The following CPLANE1 variants were observed in gnomAD, a reference collection of about 807,000 sequenced individuals.
CPLANE1 encodes ciliogenesis and planar polarity effector 1.
A neutral mutation model predicts 362.5 loss-of-function variants in CPLANE1; 263 were observed. The ratio of observed to expected loss-of-function variants is 0.73; its 90% CI spans 0.66 to 0.80. The LOEUF is 0.80. Ranked by LOEUF, CPLANE1 falls within the 30% of genes least tolerant of loss-of-function variation. The pLI, the probability that CPLANE1 is intolerant of heterozygous loss-of-function variation, is 0.00. For synonymous variants in CPLANE1, 1,212 were observed against 1,302.6 expected, an observed-to-expected ratio of 0.93 and a Z score of 1.50; for missense variants, 3,461 against 3,793.4, an observed-to-expected ratio of 0.91 and a Z score of 2.30.
rs774883520 is a variant in CPLANE1, at chr5:37,142,306, A to T, written c.8632+4T>A. 16 of 1,555,142 alleles carry T rather than the reference A, an allele frequency of 1.0e-5. No individual in the cohort carries two copies. Among genetic ancestry groups the T allele is most frequent in the Middle Eastern group, 1.7e-4 (1 of 5,818 alleles). ...TGTGTAAATGAAAAAGTAAAGAACA[A>T]TACCAGGAGAAGTAGTATTCTGATC... On this transcript the variant is annotated splice_donor_region_variant and intron_variant, in intron 44 of 52. Transcript: ENST00000651892.
In CPLANE1 at chr5:37,110,205, C is replaced by G. The variant is rs151037737; in HGVS notation, c.9401-1734G>C. On this transcript the variant is annotated intron_variant, in intron 51 of 52. Coordinates refer to ENST00000651892, the MANE Select transcript of CPLANE1 (RefSeq NM_001384732.1). ...CTGGATCTCAAGTAAAATCCAAACT[C>G]CTTGCCTTAGCCTACAGTATCTAGC... Among the ~76,000 whole-genome samples, 8 of 152,262 alleles carry G rather than the reference C, an allele frequency of 5.3e-5. No individual in the cohort carries two copies. In the East Asian group the frequency reaches 1.4e-3, roughly 26 times the overall value.
intron 50 of CPLANE1, among the ~76,000 whole-genome samples, chr5:37,117,084 C>A (rs1245237516): frequency 6.6e-6 from 1 of 152,156 alleles, no homozygotes; most frequent in African/African-American, 2.4e-5. Flanking sequence ...GGACAATAGC[C>A]AGGCATATGG....
chr5:37,157,404 A>G lies in CPLANE1; in HGVS notation c.8028T>C (p.Cys2676=). ...NFKSQEVTPA[C]LDGKSLRAGI... Reference sequence around the variant, plus strand: ...CTGCTCTCAAGCTTTTTCCATCCAGACAAGCTGGAGTTACTTCTGCAGGTT... The same window carrying G: ...CTGCTCTCAAGCTTTTTCCATCCAGGCAAGCTGGAGTTACTTCTGCAGGTT... The change falls in exon 41 of 53, where the codon TGT becomes TGC. Residue 2676 remains cysteine (C), a synonymous_variant. Coordinates refer to ENST00000651892, the MANE Select transcript of CPLANE1 (RefSeq NM_001384732.1). 2.8e-6 allele frequency: 4 copies of G among 1,450,796 alleles called. No individual in the cohort carries two copies. The highest frequency in any genetic ancestry group is 3.7e-6 in the Non-Finnish European group (4 of 1,086,410). 89.9% of individuals were successfully genotyped at this position (1,450,796 alleles called of 1,614,324 possible). A position where few individuals can be genotyped will look rare whatever the true frequency, so the allele number is the denominator to read the frequency against.
At chr5:37,184,012 G>C (rs1419250475) in intron 25 of CPLANE1, among the ~76,000 whole-genome samples, 1 of 152,154 alleles carries the variant, frequency 6.6e-6, no homozygotes, top group Non-Finnish European at 1.5e-5. Flanking sequence ...AAAAGAAATA[G>C]TCCTCTAATG....
rs139350365 is a variant in CPLANE1 at position 37,175,051 on chromosome 5, C to T, written c.5978+858G>A. On this transcript the variant is annotated intron_variant, in intron 31 of 52. Transcript: ENST00000651892. Reference sequence around the variant, plus strand: ...AGGTTTAGGAGGCACCCTCTGGCGACTGGGTTCCTGAAGTGTGATGGAAGG... The same window carrying T: ...AGGTTTAGGAGGCACCCTCTGGCGATTGGGTTCCTGAAGTGTGATGGAAGG... Among the ~76,000 whole-genome samples the T allele has an allele frequency of 2.2e-3, 338 of 152,286 alleles. 2 individuals carry two copies. The highest frequency in any genetic ancestry group is 3.8e-3 in the Non-Finnish European group (259 of 68,022).
chr5:37,168,178 T>A (rs1308068063), intron 34 of CPLANE1, among the ~76,000 whole-genome samples: 1 of 152,090 alleles, frequency 6.6e-6, no homozygotes, highest in African/African-American at 2.4e-5. Context: ...GAGGACTTGG[T>A]GGGTTTATAA....
downstream of CPLANE1, among the ~76,000 whole-genome samples, chr5:37,103,408 ATGATG>A (rs1175718703): frequency 6.6e-6 from 1 of 152,196 alleles, no homozygotes; most frequent in Non-Finnish European, 1.5e-5. Flanking sequence ...TCCTGTCATC[ATGATG>A]CTAACTGGTT....
intron 33 of CPLANE1, 74 bp from the exon 34 acceptor site, chr5:37,169,635 A>G (rs1264923301): frequency 7.5e-7 from 1 of 1,334,160 alleles, no homozygotes; most frequent in Non-Finnish European, 1.0e-6. Context: ...GGCATTCAGT[A>G]TGTTTTGCAG....
intron 50 of CPLANE1, among the ~76,000 whole-genome samples, chr5:37,116,485 C>CAAA (rs70976277): frequency 1.2e-4 from 3 of 25,946 alleles, no homozygotes; most frequent in Non-Finnish European, 2.1e-4. Flanking sequence ...GACTCTGCCT[C>CAAA]AAAAAAAAAA....
chr5:37,122,212 TAA>T (rs1004545394), intron 48 of CPLANE1, among the ~76,000 whole-genome samples: 14 of 152,092 alleles, frequency 9.2e-5, no homozygotes, highest in African/African-American at 2.7e-4. Flanking sequence ...ACAGCAGAAA[TAA>T]AAGTCATAAA....
At chr5:37,122,328 C>CA (rs1295007793) in intron 48 of CPLANE1, 102 bp downstream of exon 48, 4 of 894,574 alleles carry the variant, frequency 4.5e-6, no homozygotes, top group East Asian at 5.1e-5. Flanking sequence ...TGTTTATTGA[C>CA]AAAAAAGAGA....
intron 1 of CPLANE1, among the ~76,000 whole-genome samples, 163 bp downstream of exon 1, chr5:37,249,082 G>T (rs1245019822): frequency 6.6e-6 from 1 of 152,222 alleles, no homozygotes; most frequent in African/African-American, 2.4e-5. Context: ...GGACTGGGTA[G>T]TGGGGATGTA....
chr5:37,107,220 T>C lies in CPLANE1; in HGVS notation c.*382A>G, dbSNP rs1013522551. 7.1e-6 allele frequency: 7 copies of C among 992,328 alleles called. No homozygotes were observed. Among genetic ancestry groups the C allele is most frequent in the Middle Eastern group, 5.0e-4 (1 of 2,002 alleles). 61.5% of individuals were successfully genotyped at this position (992,328 alleles called of 1,614,324 possible). ...TTCTCAATGAAAAGATTTTTTTTTT[T>C]CCTATTAGATTCATCTGTATATGGT... On this transcript the variant is annotated 3_prime_UTR_variant, in exon 53 of 53. Transcript: ENST00000651892.
In CPLANE1 at chr5:37,138,700, A is replaced by T; in HGVS notation, c.8792+20T>A. ...GAGAAGCATTTTAAACAGGTTAAAA[A>T]TGAATTATTCAATGATTACCTGGAG... On this transcript the variant is annotated intron_variant, in intron 46 of 52. Coordinates refer to ENST00000651892, the MANE Select transcript of CPLANE1 (RefSeq NM_001384732.1). The T allele has an allele frequency of 1.3e-6, 2 of 1,596,122 alleles. No homozygotes were observed. Among genetic ancestry groups the T allele is most frequent in the Non-Finnish European group, 1.7e-6 (2 of 1,174,848 alleles).
chr5:37,249,346 C>CA lies in CPLANE1; in HGVS notation c.-150dup, dbSNP rs1239589805. Reference sequence around the variant, plus strand: ...GGCCGACAGCTGCGGGCCCTACCGCCAGCCCTGACGCGAGCCTGCGTCCTG... The same window carrying CA: ...GGCCGACAGCTGCGGGCCCTACCGCCAAGCCCTGACGCGAGCCTGCGTCCTG... On this transcript the variant is annotated 5_prime_UTR_variant, in exon 1 of 53. Transcript: ENST00000651892. 2.0e-5 allele frequency: 3 copies of CA among 152,362 alleles called. No individual in the cohort carries two copies. Among genetic ancestry groups the CA allele is most frequent in the African/African-American group, 7.2e-5 (3 of 41,460 alleles). The allele number at this position is 152,362 out of a possible 1,614,324, so 9.4% of individuals were successfully genotyped here. A position where few individuals can be genotyped will look rare whatever the true frequency, so the allele number is the denominator to read the frequency against.
intron 50 of CPLANE1, among the ~76,000 whole-genome samples, chr5:37,117,780 G>A (rs1340499471): frequency 6.6e-6 from 1 of 152,226 alleles, no homozygotes. Context: ...ACCTCCTCAA[G>A]CATAATCCAG....
intron 16 of CPLANE1, among the ~76,000 whole-genome samples, chr5:37,207,965 G>C (rs1224152001): frequency 6.6e-6 from 1 of 151,346 alleles, no homozygotes; most frequent in Non-Finnish European, 1.5e-5. Context: ...GTTTTGTTTT[G>C]TTTTGTTTGA....
chr5:37,094,311 T>C, the CPLANE1 span, among the ~76,000 whole-genome samples: 2 of 108,558 alleles, frequency 1.8e-5, no homozygotes, highest in Non-Finnish European at 3.4e-5. Context: ...CACAAATACA[T>C]GGAAATTAAC....
intron 29 of CPLANE1, 47 bp from the exon 30 acceptor site, chr5:37,177,747 G>T: frequency 1.4e-6 from 2 of 1,395,520 alleles, no homozygotes; most frequent in Non-Finnish European, 2.0e-6. Flanking sequence ...AAAACAAATA[G>T]GTATTACTGT....
Sources: allele counts gnomAD v4.1 joint callset (sites outside exome capture counted in the v4.1 genomes callset), GRCh38; gene constraint gnomAD v4.1.1; transcripts MANE v1.5; gene names NCBI Gene and HGNC (gene_info 2026-07-23, HGNC 2026-07-21).